WDR44: variants seen among roughly 807,000 people sequenced by gnomAD.
The protein encoded by WDR44 is WD repeat domain 44, also known as WD repeat-containing protein 44.
WDR44 carries 9 observed loss-of-function variants against 65.7 expected under a neutral mutation model. That is an observed-to-expected ratio of 0.14 (90% CI 0.08 to 0.24). WDR44 has a LOEUF of 0.24. Among genes scored for constraint, WDR44 ranks in the 10% least tolerant of loss-of-function variants. The pLI, the probability that WDR44 is intolerant of heterozygous loss-of-function variation, is 1.00. For missense variants in WDR44, 425 were observed against 670.9 expected (o/e 0.63, Z 4.05); for synonymous variants, 220 against 235.2 (o/e 0.94, Z 0.59).
intron 1 of WDR44, among the ~76,000 whole-genome samples, chrX:118,371,435 A>C (rs1432967681): frequency 9.0e-6 from 1 of 111,414 alleles, no homozygotes; most frequent in African/African-American, 3.3e-5. Flanking sequence ...AATTGCTGAG[A>C]GAGTAAATTT....
intron 2 of WDR44, among the ~76,000 whole-genome samples, chrX:118,386,018 G>A (rs1012376290): frequency 1.6e-4 from 18 of 111,036 alleles, no homozygotes; most frequent in Non-Finnish European, 2.1e-4. Flanking sequence ...TTCAGTGCTC[G>A]AAGATATTGC....
chrX:118,378,933 A>G (rs2056689179), intron 2 of WDR44, among the ~76,000 whole-genome samples: 2 of 108,547 alleles, frequency 1.8e-5, no homozygotes, highest in Admixed American at 1.0e-4. Context: ...ATTCCCAGCT[A>G]CTTGGGAGAC....
At chrX:118,407,302 A>G (rs2147717977) in intron 10 of WDR44, among the ~76,000 whole-genome samples, 1 of 111,341 alleles carries the variant, frequency 9.0e-6, no homozygotes, top group East Asian at 2.8e-4. Flanking sequence ...GGAGTTCGAG[A>G]CCAGCCTGAC....
chrX:118,394,015 A>C, intron 4 of WDR44, 40 bp from the exon 5 acceptor site: 1 of 1,162,088 alleles, frequency 8.6e-7, no homozygotes, highest in Non-Finnish European at 1.2e-6. Flanking sequence ...GAATCAAACA[A>C]AAAGGGTTGT....
At position 118,406,550 on chromosome X, in the gene WDR44, A is replaced by G. The variant is rs1468055851; in HGVS notation, c.1382-325A>G. ...TTATTCAGTGCCTGGGACTGTACTA[A>G]GCACTTTTACCTGTATTAATTCATT... On this transcript the variant is annotated intron_variant, in intron 9 of 19. Transcript: ENST00000254029. Among the ~76,000 whole-genome samples, 4 of 111,821 alleles carry G rather than the reference A, an allele frequency of 3.6e-5. No individual in the cohort carries two copies. In the South Asian group the frequency reaches 1.5e-3, roughly 41 times the overall value.
intron 2 of WDR44, among the ~76,000 whole-genome samples, chrX:118,378,736 T>TGTGTGTGTGTGTGTGTGTG (rs1569362857): frequency 1.8e-3 from 107 of 61,031 alleles, no homozygotes; most frequent in African/African-American, 0.015. Flanking sequence ...GTGTGTGTGT[T>TGTGTGTGTGTGTGTGTGTG]GAAAAAGTGA....
chrX:118,373,688 GAA>G (rs2056633484), intron 1 of WDR44, among the ~76,000 whole-genome samples: 1 of 111,303 alleles, frequency 9.0e-6, no homozygotes, highest in African/African-American at 3.3e-5. Flanking sequence ...GCAGTATTGC[GAA>G]GTGGTTGAGA....
chrX:118,352,238 T>A (rs1272371080), intron 1 of WDR44, among the ~76,000 whole-genome samples: 1 of 90,305 alleles, frequency 1.1e-5, no homozygotes, highest in East Asian at 3.5e-4. Context: ...AGCCTCGACC[T>A]CCCCAGGCTC....
intron 1 of WDR44, among the ~76,000 whole-genome samples, chrX:118,351,192 C>G (rs979599387): frequency 6.2e-5 from 7 of 112,267 alleles, no homozygotes; most frequent in Admixed American, 2.8e-4. Flanking sequence ...TGTCTAAGAA[C>G]AGTGATTATT....
chrX:118,412,574 A>G (rs1316417159), intron 12 of WDR44, among the ~76,000 whole-genome samples: 1 of 111,535 alleles, frequency 9.0e-6, no homozygotes, highest in Non-Finnish European at 1.9e-5. Flanking sequence ...CTGAATTGAG[A>G]GATGTAAAAT....
chrX:118,393,673 A>T (rs2056840993), intron 4 of WDR44, among the ~76,000 whole-genome samples: 1 of 111,783 alleles, frequency 8.9e-6, no homozygotes, highest in African/African-American at 3.2e-5. Context: ...CCTTTATTTC[A>T]CTTTATTAAA....
At chrX:118,429,408 G>A (rs1278035197) in intron 12 of WDR44, among the ~76,000 whole-genome samples, 2 of 108,613 alleles carry the variant, frequency 1.8e-5, no homozygotes, top group African/African-American at 3.4e-5. Context: ...GGCCAACATA[G>A]TGGAACCCTG....
intron 12 of WDR44, among the ~76,000 whole-genome samples, chrX:118,424,859 C>A (rs1256274364): frequency 9.0e-6 from 1 of 111,572 alleles, no homozygotes; most frequent in Non-Finnish European, 1.9e-5. Flanking sequence ...GTATTTAATA[C>A]ATTTTGAGTT....
At chrX:118,363,246 AC>A (rs1460990130) in intron 1 of WDR44, among the ~76,000 whole-genome samples, 1 of 107,780 alleles carries the variant, frequency 9.3e-6, no homozygotes, top group Non-Finnish European at 1.9e-5. Context: ...AAAAAAAAAT[AC>A]AAAAGTTAGC....
intron 1 of WDR44, among the ~76,000 whole-genome samples, chrX:118,357,926 C>T (rs1464579302): frequency 9.0e-6 from 1 of 111,143 alleles, no homozygotes; most frequent in Non-Finnish European, 1.9e-5. Context: ...GTAATCCCAG[C>T]ACTTTGGGAG....
At chrX:118,441,726 CTTCTAA>C (rs937025141) in intron 15 of WDR44, among the ~76,000 whole-genome samples, 167 bp downstream of exon 15, 2 of 111,236 alleles carry the variant, frequency 1.8e-5, no homozygotes, top group South Asian at 3.8e-4. Context: ...TTTGAGATGT[CTTCTAA>C]TTCTAATTTA....
chrX:118,376,975 C>G lies in WDR44; in HGVS notation c.78-1444C>G, dbSNP rs145834071. 4.8e-3 allele frequency among the ~76,000 whole-genome samples: 522 copies of G among 109,013 alleles called. 3 individuals carry two copies. The highest frequency in any genetic ancestry group is 0.017 in the African/African-American group (502 of 29,841). The allele number at this position is 109,013 out of a possible 115,157, so 94.7% of individuals were successfully genotyped here. A position where few individuals can be genotyped will look rare whatever the true frequency, so the allele number is the denominator to read the frequency against. ...CCATGATGGTGTCACTGCACTCAAG[C>G]CTGAGTAACGGAGTGAGACCCTATC... On this transcript the variant is annotated intron_variant, in intron 1 of 19. Coordinates refer to ENST00000254029, the MANE Select transcript of WDR44 (RefSeq NM_019045.5).
chrX:118,433,891 C>T (rs2057231724), intron 13 of WDR44, among the ~76,000 whole-genome samples: 1 of 111,664 alleles, frequency 9.0e-6, no homozygotes, highest in Admixed American at 9.6e-5. Flanking sequence ...GTGCTCTGTT[C>T]GTACCCTCAA....
At chrX:118,400,160 T>G (rs2056899259) in intron 8 of WDR44, among the ~76,000 whole-genome samples, 1 of 110,602 alleles carries the variant, frequency 9.0e-6, no homozygotes, top group Non-Finnish European at 1.9e-5. Context: ...CCTTTTCTTA[T>G]GCCATTGACA....
Sources: gnomAD v4.1 joint callset for allele counts (sites outside exome capture counted in the v4.1 genomes callset) on GRCh38, gnomAD v4.1.1 for gene constraint, MANE v1.5 for transcripts, NCBI Gene and HGNC (gene_info 2026-07-23, HGNC 2026-07-21) for gene names.